Variants in TEAD1 observed in about 807,000 individuals in gnomAD.
TEAD1 encodes transcriptional enhancer factor TEF-1.
TEAD1 carries 9 observed loss-of-function variants against 54.9 expected under a neutral mutation model. The ratio of observed to expected loss-of-function variants is 0.16; its 90% CI spans 0.10 to 0.29. TEAD1 has a LOEUF of 0.29. Ranked by LOEUF, TEAD1 falls within the 10% of genes least tolerant of loss-of-function variation. TEAD1 has a pLI of 1.00. For synonymous variants in TEAD1, 200 were observed against 187.8 expected (o/e 1.07, Z -0.53); for missense variants, 387 against 535.9 (o/e 0.72, Z 2.74).
At chr11:12,792,644 C>G (rs2133963612) in intron 3 of TEAD1, among the ~76,000 whole-genome samples, 1 of 152,328 alleles carries the variant, frequency 6.6e-6, no homozygotes, top group African/African-American at 2.4e-5. Flanking sequence ...TCCCCAACCT[C>G]TGTTCAACTT....
At chr11:12,873,932 T>C (rs1168241581) in intron 5 of TEAD1, among the ~76,000 whole-genome samples, 1 of 152,234 alleles carries the variant, frequency 6.6e-6, no homozygotes, top group Non-Finnish European at 1.5e-5. Context: ...CTTTCCTCCC[T>C]TGCACTATAT....
intron 10 of TEAD1, among the ~76,000 whole-genome samples, chr11:12,918,151 A>G (rs149030553): frequency 6.6e-6 from 1 of 151,892 alleles, no homozygotes; most frequent in African/African-American, 2.4e-5. Context: ...GGGAGGGGGG[A>G]CGTGTCAGTA....
rs370157068 is a variant in TEAD1, at chr11:12,798,380, T to C, written c.202+33946T>C. On this transcript the variant is annotated intron_variant, in intron 3 of 12. Coordinates refer to ENST00000527636, the MANE Select transcript of TEAD1 (RefSeq NM_021961.6). ...TTTCATAAACTGTTTTGATTTCACT[T>C]ATATTGATTTTTAACGTATAATGTG... is the stretch of plus-strand genomic sequence containing the variant. Among the ~76,000 whole-genome samples the C allele has an allele frequency of 9.2e-5, 14 of 152,330 alleles. No homozygotes were observed. In the East Asian group the frequency reaches 2.7e-3, roughly 29 times the overall value.
intron 5 of TEAD1, among the ~76,000 whole-genome samples, chr11:12,877,844 G>T (rs975746316): frequency 7.6e-6 from 1 of 131,512 alleles, no homozygotes; most frequent in South Asian, 2.4e-4. Flanking sequence ...GCCCAGGCTT[G>T]AGTGCAGTGG....
intron 3 of TEAD1, among the ~76,000 whole-genome samples, chr11:12,768,153 C>T (rs1244535919): frequency 6.6e-6 from 1 of 152,174 alleles, no homozygotes; most frequent in Non-Finnish European, 1.5e-5. Flanking sequence ...AAGTATATAA[C>T]ACTTAACAGT....
In TEAD1 at chr11:12,781,174, A is replaced by G. The variant is rs552402705; in HGVS notation, c.202+16740A>G. ...CGGATCCCTTCCTCACATATCATATATCATAATTAACTAGAAAATGATCAT... is the reference window on the plus strand; with the variant it reads ...CGGATCCCTTCCTCACATATCATATGTCATAATTAACTAGAAAATGATCAT... On this transcript the variant is annotated intron_variant, in intron 3 of 12. Coordinates refer to ENST00000527636, the MANE Select transcript of TEAD1 (RefSeq NM_021961.6). Among the ~76,000 whole-genome samples the G allele has an allele frequency of 2.0e-5, 3 of 152,376 alleles. No homozygotes were observed. In the South Asian group the frequency reaches 6.2e-4, roughly 32 times the overall value.
At chr11:12,691,900 T>A (rs1252736185) in intron 2 of TEAD1, among the ~76,000 whole-genome samples, 1 of 152,232 alleles carries the variant, frequency 6.6e-6, no homozygotes, top group Non-Finnish European at 1.5e-5. Context: ...AGCTTTGTAC[T>A]TCTTCTCCAA....
chr11:12,769,224 G>A (rs1326168051), intron 3 of TEAD1, among the ~76,000 whole-genome samples: 1 of 152,076 alleles, frequency 6.6e-6, no homozygotes, highest in Admixed American at 6.5e-5. Context: ...GAGGACCAGC[G>A]AAGATGAGGG....
intron 3 of TEAD1, among the ~76,000 whole-genome samples, chr11:12,854,779 T>C (rs1456666056): frequency 7.4e-6 from 1 of 135,192 alleles, no homozygotes; most frequent in East Asian, 2.1e-4. Context: ...TTTTTTTTTT[T>C]AAGAGATAGG....
intron 11 of TEAD1, among the ~76,000 whole-genome samples, chr11:12,927,415 G>A (rs1205588318): frequency 2.0e-5 from 3 of 152,004 alleles, no homozygotes; most frequent in Non-Finnish European, 2.9e-5. Context: ...TTGTGTCTAC[G>A]TATCCCAGTA....
intron 2 of TEAD1, among the ~76,000 whole-genome samples, chr11:12,756,665 C>T (rs1944988650): frequency 6.6e-6 from 1 of 152,190 alleles, no homozygotes. Flanking sequence ...TGCCTACATC[C>T]TACTGTCTAG....
chr11:12,761,994 T>C (rs894730736), intron 2 of TEAD1, among the ~76,000 whole-genome samples: 3 of 152,160 alleles, frequency 2.0e-5, no homozygotes, highest in Non-Finnish European at 2.9e-5. Flanking sequence ...CTTACAGTTA[T>C]ATGAGAACAT....
chr11:12,732,651 C>T (rs909540891), intron 2 of TEAD1, among the ~76,000 whole-genome samples: 3 of 152,098 alleles, frequency 2.0e-5, no homozygotes, highest in Non-Finnish European at 2.9e-5. Flanking sequence ...AGATGCATTT[C>T]GATGTCCTCC....
intron 2 of TEAD1, among the ~76,000 whole-genome samples, chr11:12,744,591 G>A (rs529605560): frequency 6.6e-6 from 1 of 152,236 alleles, no homozygotes; most frequent in African/African-American, 2.4e-5. Flanking sequence ...GGTGGAATAT[G>A]GGTAAAGTTA....
intron 3 of TEAD1, among the ~76,000 whole-genome samples, chr11:12,839,483 ACT>A (rs1478943949): frequency 6.6e-6 from 1 of 151,916 alleles, no homozygotes; most frequent in Non-Finnish European, 1.5e-5. Flanking sequence ...TACTGCATCC[ACT>A]CTGTCCACAT....
rs1161230160 is a variant in TEAD1, at chr11:12,690,237, G to A, written c.-55+14676G>A. Among the ~76,000 whole-genome samples, 82 of 129,654 alleles carry A rather than the reference G, an allele frequency of 6.3e-4. 1 individual carries two copies. The highest frequency in any genetic ancestry group is 2.0e-3 in the African/African-American group (70 of 34,382). 85.1% of individuals were successfully genotyped at this position (129,654 alleles called of 152,430 possible). A position where few individuals can be genotyped will look rare whatever the true frequency, so the allele number is the denominator to read the frequency against. On this transcript the variant is annotated intron_variant, in intron 2 of 12. Coordinates refer to ENST00000527636, the MANE Select transcript of TEAD1 (RefSeq NM_021961.6). ...AACCTGGGCGACAGAGTGAGACTCC[G>A]TCTCAAAAAAAAAAAAAAAAAAAAA...
At chr11:12,857,538 CAT>C (rs1947413026) in intron 3 of TEAD1, among the ~76,000 whole-genome samples, 1 of 150,848 alleles carries the variant, frequency 6.6e-6, no homozygotes, top group Admixed American at 6.6e-5. Flanking sequence ...ATTTTTGTAG[CAT>C]CAGGTTTACT....
intron 3 of TEAD1, among the ~76,000 whole-genome samples, chr11:12,782,340 AAAG>A (rs747920120): frequency 5.3e-4 from 81 of 152,322 alleles, no homozygotes; most frequent in South Asian, 1.0e-3. Context: ...TGCTAAATGA[AAAG>A]AAGATTCATG....
intron 3 of TEAD1, among the ~76,000 whole-genome samples, chr11:12,800,183 C>T (rs892822431): frequency 6.6e-5 from 10 of 152,066 alleles, no homozygotes; most frequent in Non-Finnish European, 1.5e-4. Context: ...CAAAAATGTC[C>T]GTGGATGATG....
Sources: allele counts gnomAD v4.1 joint callset (sites outside exome capture counted in the v4.1 genomes callset), GRCh38; gene constraint gnomAD v4.1.1; transcripts MANE v1.5; gene names NCBI Gene and HGNC (gene_info 2026-07-23, HGNC 2026-07-21).